Variants in CDH18 observed in about 807,000 individuals in gnomAD.
CDH18 encodes cadherin 18.
Under a neutral mutation model 67.9 loss-of-function variants are expected in CDH18, and 31 were observed. The ratio of observed to expected loss-of-function variants is 0.46; its 90% CI spans 0.34 to 0.62. CDH18 has a LOEUF of 0.62. CDH18 is among the 20% of genes least tolerant of loss of function. The pLI, the probability that CDH18 is intolerant of heterozygous loss-of-function variation, is 0.01. For missense variants in CDH18, 890 were observed against 975.5 expected (o/e 0.91, Z 1.17); for synonymous variants, 362 against 347.2 (o/e 1.04, Z -0.48).
intron 10 of CDH18, among the ~76,000 whole-genome samples, chr5:19,517,663 GT>G (rs1483038335): frequency 6.6e-6 from 1 of 151,828 alleles, no homozygotes; most frequent in East Asian, 1.9e-4. Context: ...TGGTGGTTTT[GT>G]TTCTCTTGTT....
intron 2 of CDH18, among the ~76,000 whole-genome samples, chr5:19,943,174 T>C (rs1794985278): frequency 6.6e-6 from 1 of 152,148 alleles, no homozygotes; most frequent in Admixed American, 6.6e-5. Flanking sequence ...AAAATGATTG[T>C]AATAATCTTT....
At chr5:19,545,325 T>A (rs970819138) in intron 8 of CDH18, among the ~76,000 whole-genome samples, 2 of 152,160 alleles carry the variant, frequency 1.3e-5, no homozygotes, top group Non-Finnish European at 2.9e-5. Context: ...TATGTCAATG[T>A]GGCTATGGAG....
At chr5:20,146,606 A>C (rs1750664200) in intron 2 of CDH18, among the ~76,000 whole-genome samples, 1 of 108,674 alleles carries the variant, frequency 9.2e-6, no homozygotes, top group Non-Finnish European at 2.0e-5. Flanking sequence ...AAGTACTGAA[A>C]ACTAATTTTG....
intron 2 of CDH18, among the ~76,000 whole-genome samples, chr5:20,239,063 T>C (rs189208636): frequency 4.6e-5 from 7 of 152,322 alleles, no homozygotes; most frequent in Non-Finnish European, 1.5e-5. Context: ...GAATGAACTA[T>C]TGATACATGC....
At chr5:19,981,459 C>T (rs1350869901) in intron 1 of CDH18, among the ~76,000 whole-genome samples, 4 of 152,146 alleles carry the variant, frequency 2.6e-5, no homozygotes, top group African/African-American at 9.7e-5. Flanking sequence ...GTTATGAAGG[C>T]TAAGAAGTCC....
At chr5:20,493,618 A>C (rs1753724798) in intron 1 of CDH18, among the ~76,000 whole-genome samples, 2 of 152,138 alleles carry the variant, frequency 1.3e-5, no homozygotes, top group East Asian at 3.9e-4. Context: ...GTGGCAAGGG[A>C]ATTCTGGGGG....
intron 1 of CDH18, among the ~76,000 whole-genome samples, chr5:20,256,115 T>C (rs1036334794): frequency 6.6e-6 from 1 of 151,968 alleles, no homozygotes; most frequent in African/African-American, 2.4e-5. Context: ...TAAATTAAAA[T>C]TTGAATATAA....
At chr5:20,208,066 C>T (rs1740053198) in intron 2 of CDH18, among the ~76,000 whole-genome samples, 1 of 152,088 alleles carries the variant, frequency 6.6e-6, no homozygotes, top group Non-Finnish European at 1.5e-5. Context: ...TAGTGTATGA[C>T]ACTGCTCTTA....
intron 1 of CDH18, among the ~76,000 whole-genome samples, chr5:20,377,640 A>G (rs907402892): frequency 1.3e-5 from 2 of 152,236 alleles, no homozygotes; most frequent in Admixed American, 6.5e-5. Context: ...GGTACTGAAG[A>G]CAAGATGACG....
intron 2 of CDH18, among the ~76,000 whole-genome samples, chr5:20,054,734 C>G (rs1022310022): frequency 6.6e-6 from 1 of 152,186 alleles, no homozygotes; most frequent in Non-Finnish European, 1.5e-5. Flanking sequence ...CACATTGTCT[C>G]TCAATTTTTT....
intron 2 of CDH18, among the ~76,000 whole-genome samples, chr5:20,080,471 T>A (rs1189111210): frequency 2.6e-5 from 4 of 152,160 alleles, no homozygotes; most frequent in Non-Finnish European, 5.9e-5. Flanking sequence ...TAGATGGATA[T>A]GTGAAGGAAC....
intron 3 of CDH18, among the ~76,000 whole-genome samples, chr5:19,775,730 A>G (rs34091832): frequency 0.01 from 1,597 of 152,318 alleles, 12 homozygotes; most frequent in Middle Eastern, 0.068. Flanking sequence ...CTATATCAGT[A>G]GCTGAGGCAG....
chr5:19,520,325 C>T (rs1746696058), intron 10 of CDH18, among the ~76,000 whole-genome samples: 1 of 152,150 alleles, frequency 6.6e-6, no homozygotes, highest in Admixed American at 6.6e-5. Context: ...ACAATCAAGT[C>T]CATCAACCTC....
chr5:19,631,876 A>AT (rs532519036), intron 5 of CDH18, among the ~76,000 whole-genome samples: 4 of 151,704 alleles, frequency 2.6e-5, no homozygotes, highest in South Asian at 2.1e-4. Flanking sequence ...TGTTTTAGCC[A>AT]TTTTTTTCTA....
At chr5:20,129,042 C>T (rs1009718413) in intron 2 of CDH18, among the ~76,000 whole-genome samples, 1 of 151,880 alleles carries the variant, frequency 6.6e-6, no homozygotes, top group Non-Finnish European at 1.5e-5. Context: ...GGTACTCAAT[C>T]CTAAACATCT....
intron 1 of CDH18, among the ~76,000 whole-genome samples, chr5:20,272,245 C>A (rs991080857): frequency 8.6e-5 from 13 of 152,004 alleles, no homozygotes; most frequent in South Asian, 2.1e-4. Context: ...AATTTAAGGA[C>A]TGAAGAGTGA....
rs186741081 is a variant in CDH18, at chr5:20,241,493, G to A, written c.-518+13951C>T. Among the ~76,000 whole-genome samples, 65 of 152,202 alleles carry A rather than the reference G, an allele frequency of 4.3e-4. No homozygotes were observed. The East Asian group carries it at 0.012, about 27-fold the overall frequency. On this transcript the variant is annotated intron_variant, in intron 2 of 14. Transcript: ENST00000507958. The stretch of plus-strand genomic sequence containing the variant: ...TTGCAGAGGTGCTCTGATGGCAAAC[G>A]TGAGGCTCTACCTCCACAAGGATGA...
intron 5 of CDH18, among the ~76,000 whole-genome samples, chr5:19,719,917 G>GAAAGAA (rs1554014153): frequency 7.1e-6 from 1 of 140,604 alleles, no homozygotes; most frequent in Admixed American, 7.0e-5. Context: ...AAGAAAGAAA[G>GAAAGAA]AAAGAAAGAA....
intron 4 of CDH18, among the ~76,000 whole-genome samples, chr5:19,742,243 C>T (rs1413937758): frequency 3.3e-5 from 5 of 152,062 alleles, no homozygotes; most frequent in African/African-American, 1.2e-4. Context: ...CATTACTTAG[C>T]AAGAGATGCA....
Sources: allele counts gnomAD v4.1 joint callset (sites outside exome capture counted in the v4.1 genomes callset), GRCh38; gene constraint gnomAD v4.1.1; transcripts MANE v1.5; gene names NCBI Gene and HGNC (gene_info 2026-07-23, HGNC 2026-07-21).